Variants in SMS observed in about 807,000 individuals in gnomAD.
SMS encodes the protein spermidine aminopropyltransferase.
Under a neutral mutation model 33.0 loss-of-function variants are expected in SMS, and 3 were observed. The observed-to-expected ratio is 0.09, with a 90% CI of 0.04 to 0.23. SMS has a LOEUF of 0.23. Ranked by LOEUF, SMS falls within the 10% of genes least tolerant of loss-of-function variation. SMS has a pLI of 1.00. For missense variants in SMS, 117 were observed against 288.6 expected, an observed-to-expected ratio of 0.41 and a Z score of 4.31; for synonymous variants, 103 against 112.2, an observed-to-expected ratio of 0.92 and a Z score of 0.52.
intron 7 of SMS, among the ~76,000 whole-genome samples, chrX:21,980,810 G>A (rs1924888587): frequency 9.0e-6 from 1 of 111,613 alleles, no homozygotes; most frequent in Non-Finnish European, 1.9e-5. Context: ...TTGATAAAGT[G>A]ATTGGATAAA....
intron 1 of SMS, among the ~76,000 whole-genome samples, chrX:21,962,277 G>A (rs1277776672): frequency 8.9e-6 from 1 of 112,097 alleles, no homozygotes; most frequent in Non-Finnish European, 1.9e-5. Context: ...GAGCAAGTCT[G>A]ATTTGTTGGG....
chrX:21,967,564 G>GT (rs1355467046), intron 2 of SMS, among the ~76,000 whole-genome samples: 2 of 111,866 alleles, frequency 1.8e-5, no homozygotes, highest in African/African-American at 6.5e-5. Flanking sequence ...TCCCAGACAA[G>GT]TTTTTTGTTA....
Position 21,994,676 on chromosome X carries a change from T to G in SMS, c.*325T>G. On this transcript the variant is annotated 3_prime_UTR_variant, in exon 11 of 11. Transcript: ENST00000404933. ...TTTTTGTTTTTGTTTTGGTAGATCT[T>G]CAATTTGGATATTTGGAGGAGTGAA... 3.6e-6 allele frequency: 3 copies of G among 827,495 alleles called. No individual in the cohort carries two copies. The highest frequency in any genetic ancestry group is 4.4e-6 in the Non-Finnish European group (3 of 686,841). 68.2% of individuals were successfully genotyped at this position (827,495 alleles called of 1,213,427 possible). A position where few individuals can be genotyped will look rare whatever the true frequency, so the allele number is the denominator to read the frequency against.
chrX:21,992,705 T>C lies in SMS; in HGVS notation c.1054T>C (p.Leu352=). The change falls in exon 10 of 11, where the codon TTG becomes CTG. Residue 352 remains leucine, a synonymous_variant. Coordinates refer to ENST00000404933, the MANE Select transcript of SMS (RefSeq NM_004595.5). ...SKEIVCVPSY[L]ELWVFYTVWK... ...GGAGATCGTCTGTGTCCCTTCATAC[T>C]TGGAATTGTATCCTTTGACCGTGAC... is the stretch of plus-strand genomic sequence containing the variant. 8 of 1,126,559 alleles carry C rather than the reference T, an allele frequency of 7.1e-6. No homozygotes were observed. Among genetic ancestry groups the C allele is most frequent in the Non-Finnish European group, 9.8e-6 (8 of 818,247 alleles). 92.8% of individuals were successfully genotyped at this position (1,126,559 alleles called of 1,213,427 possible). A position where few individuals can be genotyped will look rare whatever the true frequency, so the allele number is the denominator to read the frequency against.
At chrX:21,948,362 A>G (rs181230488) in intron 1 of SMS, among the ~76,000 whole-genome samples, 112 of 108,088 alleles carry the variant, frequency 1.0e-3, no homozygotes, top group Non-Finnish European at 1.2e-3. Flanking sequence ...GGCTAACAAG[A>G]GAGGGGTACT....
chrX:21,940,748 C>A lies in SMS; in HGVS notation c.-77C>A. ...CGGGCGCAGCACACTCCCAGCCGGC[C>A]GCAGCCTGACACGCCGCGCGGCCCC... On this transcript the variant is annotated 5_prime_UTR_variant, in exon 1 of 11. Transcript: ENST00000404933. 1.1e-6 allele frequency: 1 copy of A among 869,681 alleles called. No individual in the cohort carries two copies. 71.7% of individuals were successfully genotyped at this position (869,681 alleles called of 1,213,427 possible).
intron 9 of SMS, 117 bp downstream of exon 9, chrX:21,985,340 T>C (rs1925250996): frequency 2.0e-6 from 1 of 488,637 alleles, no homozygotes. Context: ...CATCGGATTA[T>C]GTTCTTTCAA....
At chrX:21,970,613 G>T (rs999561001) in intron 2 of SMS, among the ~76,000 whole-genome samples, 3 of 110,284 alleles carry the variant, frequency 2.7e-5, no homozygotes, top group Admixed American at 9.6e-5. Flanking sequence ...CTGTCGCCCA[G>T]GCTGGAGTGC....
At position 21,940,746 on chromosome X, in the gene SMS, G is replaced by A; in HGVS notation, c.-79G>A. 1.2e-6 allele frequency: 1 copy of A among 854,512 alleles called. No homozygotes were observed. Among genetic ancestry groups the A allele is most frequent in the Non-Finnish European group, 1.6e-6 (1 of 619,680 alleles). The allele number at this position is 854,512 out of a possible 1,213,427, so 70.4% of individuals were successfully genotyped here. A position where few individuals can be genotyped will look rare whatever the true frequency, so the allele number is the denominator to read the frequency against. On this transcript the variant is annotated 5_prime_UTR_variant, in exon 1 of 11. Coordinates refer to ENST00000404933, the MANE Select transcript of SMS (RefSeq NM_004595.5). ...CCCGGGCGCAGCACACTCCCAGCCG[G>A]CCGCAGCCTGACACGCCGCGCGGCC...
chrX:21,971,291 T>TAAAG (rs10634009), intron 2 of SMS, among the ~76,000 whole-genome samples: 3 of 110,574 alleles, frequency 2.7e-5, no homozygotes, highest in Non-Finnish European at 3.8e-5. Flanking sequence ...TTTATTTCAT[T>TAAAG]AAGAAAAAGG....
chrX:21,950,393 AT>A (rs1299007885), intron 1 of SMS, among the ~76,000 whole-genome samples: 1 of 102,835 alleles, frequency 9.7e-6, no homozygotes, highest in Non-Finnish European at 2.0e-5. Context: ...AGAGCTTACT[AT>A]TAACTCCCTT....
rs142029279 is a variant in SMS at position 21,954,224 on chromosome X, C to T, written c.50-12972C>T. ...TGAAGTCCTTGGACCAGATTCTGCT[C>T]ATCTGGCCTGTTTTTGTGTGACCCT... On this transcript the variant is annotated intron_variant, in intron 1 of 10. Coordinates refer to ENST00000404933, the MANE Select transcript of SMS (RefSeq NM_004595.5). Among the ~76,000 whole-genome samples the T allele has an allele frequency of 4.7e-3, 526 of 112,034 alleles. 5 individuals carry two copies. The highest frequency in any genetic ancestry group is 0.016 in the African/African-American group (494 of 30,841).
At chrX:21,975,966 G>A (rs1924508652) in intron 4 of SMS, among the ~76,000 whole-genome samples, 1 of 110,834 alleles carries the variant, frequency 9.0e-6, no homozygotes, top group Admixed American at 9.6e-5. Context: ...ACACTACTGT[G>A]TTTGAGAACA....
chrX:21,957,401 A>G (rs111878202), intron 1 of SMS, among the ~76,000 whole-genome samples: 4,193 of 109,694 alleles, frequency 0.038, 203 homozygotes, highest in African/African-American at 0.13. Flanking sequence ...AGTTCAAGCA[A>G]TTCTCCTGCC....
chrX:21,972,819 G>A (rs759353187), intron 4 of SMS, among the ~76,000 whole-genome samples: 1 of 106,259 alleles, frequency 9.4e-6, no homozygotes, highest in Non-Finnish European at 1.9e-5. Flanking sequence ...TGACGCATGC[G>A]AATGGCCTGA....
chrX:21,941,713 C>G (rs920769349), intron 1 of SMS, among the ~76,000 whole-genome samples: 1 of 106,687 alleles, frequency 9.4e-6, no homozygotes, highest in Non-Finnish European at 1.9e-5. Flanking sequence ...GGTGAAACCC[C>G]GTCTCTTCTA....
intron 1 of SMS, among the ~76,000 whole-genome samples, chrX:21,956,618 C>T (rs1204711240): frequency 1.8e-5 from 2 of 111,016 alleles, no homozygotes; most frequent in East Asian, 2.8e-4. Context: ...TACAGGCATG[C>T]GCCACCACGC....
rs565160089 is a variant in SMS, at chrX:21,967,056, TTTTA to T, written c.50-107_50-104del. Reference sequence around the variant, plus strand: ...GACAACTTTGTTCAGGTTTTTTAATTTTTATTTATTTATTTATTTATTTATTTAT... The same window carrying T: ...GACAACTTTGTTCAGGTTTTTTAATTTTTATTTATTTATTTATTTATTTAT... On this transcript the variant is annotated intron_variant, in intron 1 of 10. Transcript: ENST00000404933. The T allele has an allele frequency of 0.032, 10,316 of 322,264 alleles. 188 individuals carry two copies. The highest frequency in any genetic ancestry group is 0.063 in the East Asian group (577 of 9,226). The allele number at this position is 322,264 out of a possible 1,213,427, so 26.6% of individuals were successfully genotyped here.
intron 1 of SMS, among the ~76,000 whole-genome samples, chrX:21,949,587 T>A (rs1329934701): frequency 8.9e-6 from 1 of 112,302 alleles, no homozygotes; most frequent in Non-Finnish European, 1.9e-5. Context: ...CAATTACTTG[T>A]GTTGCATGAC....
Sources: allele counts gnomAD v4.1 joint callset (sites outside exome capture counted in the v4.1 genomes callset), GRCh38; gene constraint gnomAD v4.1.1; transcripts MANE v1.5; gene names NCBI Gene and HGNC (gene_info 2026-07-23, HGNC 2026-07-21).